The following ATXN7L1 variants were observed in gnomAD, a reference collection of about 807,000 sequenced individuals.
The protein encoded by ATXN7L1 is ataxin-7-like protein 1.
Under a neutral mutation model 70.8 loss-of-function variants are expected in ATXN7L1, and 15 were observed. That is an observed-to-expected ratio of 0.21 (90% confidence interval 0.14 to 0.33). The LOEUF is 0.33. ATXN7L1 is among the 10% of genes least tolerant of loss of function. The pLI, the probability that ATXN7L1 is intolerant of heterozygous loss-of-function variation, is 1.00. For synonymous variants in ATXN7L1, 440 were observed against 445.1 expected, an observed-to-expected ratio of 0.99 and a Z score of 0.14; for missense variants, 975 against 1,097.1, an observed-to-expected ratio of 0.89 and a Z score of 1.57.
chr7:105,776,083 G>C (rs984788588), intron 3 of ATXN7L1, among the ~76,000 whole-genome samples: 7 of 152,138 alleles, frequency 4.6e-5, no homozygotes, highest in African/African-American at 1.7e-4. Flanking sequence ...TTGAATCAGC[G>C]CTGCTAACAT....
At chr7:105,836,236 C>T (rs1281281002) in intron 2 of ATXN7L1, among the ~76,000 whole-genome samples, 2 of 152,172 alleles carry the variant, frequency 1.3e-5, no homozygotes, top group East Asian at 3.9e-4. Context: ...AATATGCCTA[C>T]TGCACAGAAC....
chr7:105,622,376 G>A (rs997298647), intron 8 of ATXN7L1, among the ~76,000 whole-genome samples: 17 of 152,168 alleles, frequency 1.1e-4, no homozygotes, highest in Admixed American at 9.8e-4. Context: ...TTTTGTCTTT[G>A]CTACCTGTGT....
chr7:105,689,528 A>G (rs865801000), intron 3 of ATXN7L1, among the ~76,000 whole-genome samples: 1 of 152,126 alleles, frequency 6.6e-6, no homozygotes, highest in African/African-American at 2.4e-5. Flanking sequence ...GGGGTGATTG[A>G]CACAGCTGGG....
chr7:105,864,613 T>G (rs773418280), intron 2 of ATXN7L1, among the ~76,000 whole-genome samples: 1 of 151,786 alleles, frequency 6.6e-6, no homozygotes, highest in African/African-American at 2.4e-5. Flanking sequence ...TTGCAAAACA[T>G]TGAAACAGAT....
At chr7:105,670,176 G>T (rs958041692) in intron 3 of ATXN7L1, among the ~76,000 whole-genome samples, 5 of 152,196 alleles carry the variant, frequency 3.3e-5, no homozygotes, top group African/African-American at 1.2e-4. Flanking sequence ...AGAAGGCAGG[G>T]TCTTATCTTT....
intron 7 of ATXN7L1, among the ~76,000 whole-genome samples, chr7:105,636,292 G>A (rs1370171139): frequency 6.6e-6 from 1 of 152,100 alleles, no homozygotes; most frequent in Non-Finnish European, 1.5e-5. Context: ...CTACTTGGGA[G>A]GCTGAGGCAG....
intron 3 of ATXN7L1, among the ~76,000 whole-genome samples, chr7:105,674,613 C>T (rs1804331750): frequency 2.0e-5 from 3 of 152,086 alleles, no homozygotes; most frequent in Admixed American, 2.0e-4. Flanking sequence ...TTCTACCATG[C>T]CACCCTGCCT....
chr7:105,858,296 A>T (rs140239869), intron 2 of ATXN7L1, among the ~76,000 whole-genome samples: 5 of 152,336 alleles, frequency 3.3e-5, no homozygotes, highest in African/African-American at 1.2e-4. Flanking sequence ...ATGAGCACTG[A>T]TAATTAAAGA....
intron 3 of ATXN7L1, among the ~76,000 whole-genome samples, chr7:105,743,160 T>G (rs1798203547): frequency 6.6e-6 from 1 of 152,098 alleles, no homozygotes; most frequent in Admixed American, 6.5e-5. Flanking sequence ...AACTCTTGAT[T>G]TTACTGAGGG....
At chr7:105,774,702 T>A (rs949281970) in intron 3 of ATXN7L1, among the ~76,000 whole-genome samples, 2 of 152,072 alleles carry the variant, frequency 1.3e-5, no homozygotes, top group African/African-American at 4.8e-5. Context: ...TCATTAATAA[T>A]GAGTATTATT....
chr7:105,606,552 G>C lies in ATXN7L1; in HGVS notation c.*1300C>G, dbSNP rs1792772757. ...ATTTTATGTTGTGAATTCCTTTCCTGATTATGATTCCCTACTAGAGCTTAT... is the reference window on the plus strand; with the variant it reads ...ATTTTATGTTGTGAATTCCTTTCCTCATTATGATTCCCTACTAGAGCTTAT... On this transcript the variant is annotated 3_prime_UTR_variant, in exon 12 of 12. Transcript: ENST00000419735. 6.6e-6 allele frequency: 1 copy of C among 152,210 alleles called. No homozygotes were observed. 9.4% of individuals were successfully genotyped at this position (152,210 alleles called of 1,614,324 possible).
At chr7:105,799,413 A>G (rs1028101486) in intron 2 of ATXN7L1, among the ~76,000 whole-genome samples, 10 of 152,098 alleles carry the variant, frequency 6.6e-5, no homozygotes, top group Admixed American at 2.6e-4. Context: ...GAAGAGACAC[A>G]CTGCTCGGAA....
At chr7:105,867,586 C>T (rs1047215289) in intron 2 of ATXN7L1, among the ~76,000 whole-genome samples, 2 of 152,140 alleles carry the variant, frequency 1.3e-5, no homozygotes, top group African/African-American at 2.4e-5. Context: ...CCTGGGGGAC[C>T]GAGGCTTCTC....
chr7:105,665,792 G>A (rs1049846610), intron 3 of ATXN7L1, among the ~76,000 whole-genome samples: 5 of 152,204 alleles, frequency 3.3e-5, no homozygotes, highest in Admixed American at 2.6e-4. Flanking sequence ...CTTTGCAAGC[G>A]AGGAAGTGGC....
intron 3 of ATXN7L1, among the ~76,000 whole-genome samples, chr7:105,730,143 A>C (rs971815637): frequency 1.3e-5 from 2 of 152,162 alleles, no homozygotes; most frequent in African/African-American, 4.8e-5. Flanking sequence ...AATTTCACAG[A>C]GGACAAACTT....
At chr7:105,794,869 G>C (rs968141685) in intron 2 of ATXN7L1, among the ~76,000 whole-genome samples, 1 of 152,186 alleles carries the variant, frequency 6.6e-6, no homozygotes, top group African/African-American at 2.4e-5. Flanking sequence ...CAGGCTTGTA[G>C]CATTAAATCA....
intron 2 of ATXN7L1, among the ~76,000 whole-genome samples, chr7:105,816,283 G>A (rs888534624): frequency 6.6e-6 from 1 of 152,138 alleles, no homozygotes; most frequent in African/African-American, 2.4e-5. Context: ...TGGGGGCTGG[G>A]GAGAGTCTGA....
chr7:105,803,418 G>T (rs1401894124), intron 2 of ATXN7L1, among the ~76,000 whole-genome samples: 1 of 152,248 alleles, frequency 6.6e-6, no homozygotes, highest in African/African-American at 2.4e-5. Context: ...CCTATCTAGT[G>T]GAGGGACGGC....
At chr7:105,755,514 T>A (rs11982631) in intron 3 of ATXN7L1, among the ~76,000 whole-genome samples, 41,129 of 152,138 alleles carry the variant, frequency 0.27, 6,477 homozygotes, top group African/African-American at 0.43. Flanking sequence ...ATAACTACAT[T>A]ATTCACTGTA....
Sources: allele counts gnomAD v4.1 joint callset (sites outside exome capture counted in the v4.1 genomes callset), GRCh38; gene constraint gnomAD v4.1.1; transcripts MANE v1.5; gene names NCBI Gene and HGNC (gene_info 2026-07-23, HGNC 2026-07-21).